Variants in NEK6 observed in about 807,000 individuals in gnomAD.
NEK6 encodes the protein NIMA related kinase 6, also known as serine/threonine-protein kinase Nek6.
NEK6 carries 27 observed loss-of-function variants against 43.5 expected under a neutral mutation model. The ratio of observed to expected loss-of-function variants is 0.62; its 90% CI spans 0.46 to 0.86. NEK6 has a LOEUF of 0.86. NEK6 is among the 40% of genes least tolerant of loss of function. NEK6 has a pLI of 0.00. For missense variants in NEK6, 318 were observed against 414.4 expected, an observed-to-expected ratio of 0.77 and a Z score of 2.02; for synonymous variants, 167 against 164.1, an observed-to-expected ratio of 1.02 and a Z score of -0.14.
In NEK6 at chr9:124,275,595, C is replaced by G. The variant is rs1831618911; in HGVS notation, c.-30+17510C>G. On this transcript the variant is annotated intron_variant, in intron 1 of 9. Coordinates refer to ENST00000320246, the MANE Select transcript of NEK6 (RefSeq NM_014397.6). This position sits in a 1 kb window ranked among gnomAD's most constrained non-coding sequence, Gnocchi z 4.4. ...ACCTCAGCACACTGCTTAGAAACCC[C>G]TGCTTGGTGCCTCCATAGCCCCTTC... Among the ~76,000 whole-genome samples, 1 of 152,238 alleles carries G rather than the reference C, an allele frequency of 6.6e-6. No homozygotes were observed. Among genetic ancestry groups the G allele is most frequent in the African/African-American group, 2.4e-5 (1 of 41,460 alleles).
Position 124,270,072 on chromosome 9 carries a change from C to A in NEK6, c.-30+11987C>A, listed in dbSNP as rs181172859. 2.1e-3 allele frequency among the ~76,000 whole-genome samples: 326 copies of A among 152,220 alleles called. 1 individual carries two copies. The highest frequency in any genetic ancestry group is 7.4e-3 in the African/African-American group (306 of 41,530). ...CTGCAGTAGCCGTTCCTTCCACGCC[C>A]CCCCCCCATGCTGTCTGTGGGGCTT... On this transcript the variant is annotated intron_variant, in intron 1 of 9. Transcript: ENST00000320246.
At chr9:124,325,754 G>T (rs543496029) in intron 5 of NEK6, among the ~76,000 whole-genome samples, 1 of 152,244 alleles carries the variant, frequency 6.6e-6, no homozygotes, top group East Asian at 1.9e-4. Flanking sequence ...ACTGATGCCC[G>T]TTGGAACTGG....
chr9:124,332,282 T>C (rs1370420723), intron 7 of NEK6, among the ~76,000 whole-genome samples: 1 of 152,238 alleles, frequency 6.6e-6, no homozygotes. Context: ...GGAGAATCCA[T>C]TTAGTCTTCA....
chr9:124,328,373 T>C (rs1315043355), intron 7 of NEK6, among the ~76,000 whole-genome samples: 1 of 152,128 alleles, frequency 6.6e-6, no homozygotes, highest in Non-Finnish European at 1.5e-5. Context: ...CAGAGGCCCA[T>C]GGAGTGGGCG....
intron 1 of NEK6, among the ~76,000 whole-genome samples, chr9:124,283,765 G>T (rs4838150): frequency 0.081 from 12,340 of 152,264 alleles, 840 homozygotes; most frequent in East Asian, 0.35. Flanking sequence ...GGAGTGCCCT[G>T]CCCCTATTCC....
chr9:124,335,089 A>G (rs1436608231), intron 7 of NEK6, among the ~76,000 whole-genome samples: 2 of 152,106 alleles, frequency 1.3e-5, no homozygotes, highest in African/African-American at 4.8e-5. Context: ...TGTGCACCCC[A>G]TCAGCCCTAC....
At chr9:124,344,199 G>C (rs1829799010) in intron 8 of NEK6, among the ~76,000 whole-genome samples, 3 of 152,146 alleles carry the variant, frequency 2.0e-5, no homozygotes, top group African/African-American at 7.2e-5. Flanking sequence ...GGGTACGTTG[G>C]GGCCCACCTG....
chr9:124,312,240 C>A (rs1331592590), intron 2 of NEK6, among the ~76,000 whole-genome samples: 1 of 152,198 alleles, frequency 6.6e-6, no homozygotes, highest in Non-Finnish European at 1.5e-5. Context: ...AACAAACAAG[C>A]AGTCAGACAA....
At chr9:124,292,284 C>T in intron 1 of NEK6, 5 of 1,318,546 alleles carry the variant, frequency 3.8e-6, no homozygotes, top group Non-Finnish European at 5.0e-6. Flanking sequence ...TCCCACCAAC[C>T]TGACAGGACC....
In NEK6 at chr9:124,347,816, C is replaced by T. The variant is rs140302963; in HGVS notation, c.825C>T (p.Ser275=). 165 of 1,607,034 alleles carry T rather than the reference C, an allele frequency of 1.0e-4. No individual in the cohort carries two copies. The highest frequency in any genetic ancestry group is 1.0e-4 in the Non-Finnish European group (121 of 1,174,770). Residue 275 remains serine (S), a synonymous_variant, in exon 9 of 10, where the codon TCC becomes TCT. Coordinates refer to ENST00000320246, the MANE Select transcript of NEK6 (RefSeq NM_014397.6). Reference sequence around the variant, plus strand: ...CCCCACTCCCCGGGGAGCACTACTCCGAGAAGGTGAGTTTGCAGGAGCCGG... The same window carrying T: ...CCCCACTCCCCGGGGAGCACTACTCTGAGAAGGTGAGTTTGCAGGAGCCGG... ...DYPPLPGEHY[S]EKLRELVSMC... is the part of the protein sequence containing the mutation.
At chr9:124,314,730 C>T (rs553962449) in intron 4 of NEK6, among the ~76,000 whole-genome samples, 2 of 151,910 alleles carry the variant, frequency 1.3e-5, no homozygotes, top group African/African-American at 4.8e-5. Context: ...TGCAGTGGCA[C>T]AATCTCTGCT....
At chr9:124,290,822 T>C (rs1415318169) in intron 1 of NEK6, among the ~76,000 whole-genome samples, 1 of 152,246 alleles carries the variant, frequency 6.6e-6, no homozygotes, top group East Asian at 1.9e-4. Flanking sequence ...AAGCTCCCCG[T>C]GACCTGGCCC....
intron 1 of NEK6, chr9:124,261,432 C>T (rs1831026176): frequency 1.0e-6 from 1 of 985,452 alleles, no homozygotes; most frequent in African/African-American, 1.7e-5. Context: ...GGTGAATCAT[C>T]CAAGATTAAA....
At chr9:124,306,183 G>T (rs2130821779) in intron 2 of NEK6, among the ~76,000 whole-genome samples, 1 of 152,234 alleles carries the variant, frequency 6.6e-6, no homozygotes, top group Non-Finnish European at 1.5e-5. Flanking sequence ...GCCTCACTTG[G>T]TAGTGGAAGG....
chr9:124,276,070 C>T (rs1352330303), intron 1 of NEK6, among the ~76,000 whole-genome samples: 2 of 151,604 alleles, frequency 1.3e-5, no homozygotes, highest in African/African-American at 4.9e-5. Context: ...GGCTGGGAGG[C>T]GGCTGTGAAC....
At position 124,283,637 on chromosome 9, in the gene NEK6, C is replaced by T. The variant is rs190451258; in HGVS notation, c.-29-18299C>T. On this transcript the variant is annotated intron_variant, in intron 1 of 9. Coordinates refer to ENST00000320246, the MANE Select transcript of NEK6 (RefSeq NM_014397.6). ...TCATGGCAGTGCCCTGTGGATCCTA[C>T]TTCCTGAACCTCCCCTCTGCAGGCT... 1.3e-3 allele frequency among the ~76,000 whole-genome samples: 200 copies of T among 152,314 alleles called. 1 individual carries two copies. Among genetic ancestry groups the T allele is most frequent in the African/African-American group, 4.6e-3 (192 of 41,570 alleles).
chr9:124,314,305 A>G (rs1833705121), intron 4 of NEK6, among the ~76,000 whole-genome samples: 3 of 152,136 alleles, frequency 2.0e-5, no homozygotes, highest in African/African-American at 7.2e-5. Flanking sequence ...CCTGCCTCGC[A>G]GTGGCCTATG....
At chr9:124,278,080 G>C (rs982471260) in intron 1 of NEK6, among the ~76,000 whole-genome samples, 2 of 152,214 alleles carry the variant, frequency 1.3e-5, no homozygotes, top group East Asian at 3.9e-4. Flanking sequence ...GCCATCTTTT[G>C]ACTGTACCTT....
chr9:124,352,955 CTGAG>C lies in NEK6; in HGVS notation c.*2011_*2014del, dbSNP rs1830337673. The stretch of plus-strand genomic sequence containing the variant: ...GCACGATCTCAGCCACTCACCAGGC[CTGAG>C]TGTTTGTGAAATGATCATGTCCTAC... On this transcript the variant is annotated 3_prime_UTR_variant, in exon 10 of 10. Coordinates refer to ENST00000320246, the MANE Select transcript of NEK6 (RefSeq NM_014397.6). 1 of 152,478 alleles carries C rather than the reference CTGAG, an allele frequency of 6.6e-6. No homozygotes were observed. Among genetic ancestry groups the C allele is most frequent in the African/African-American group, 2.4e-5 (1 of 41,466 alleles). The allele number at this position is 152,478 out of a possible 1,614,324, so 9.4% of individuals were successfully genotyped here.
Sources: allele counts gnomAD v4.1 joint callset (sites outside exome capture counted in the v4.1 genomes callset), GRCh38; gene constraint gnomAD v4.1.1; non-coding constraint Gnocchi (gnomAD v3.1); transcripts MANE v1.5; gene names NCBI Gene and HGNC (gene_info 2026-07-23, HGNC 2026-07-21).